The following LRBA variants were observed in gnomAD, a reference collection of about 807,000 sequenced individuals.
LRBA encodes lipopolysaccharide-responsive and beige-like anchor protein.
LRBA carries 176 observed loss-of-function variants against 330.0 expected under a neutral mutation model. The observed-to-expected ratio is 0.53, with a 90% CI of 0.47 to 0.60. The LOEUF is 0.60. Ranked by LOEUF, LRBA falls within the 20% of genes least tolerant of loss-of-function variation. The probability of loss-of-function intolerance (pLI) is 0.00; values close to 1 mark genes in which losing one functional copy is unlikely to be tolerated. For synonymous variants in LRBA, 1,230 were observed against 1,193.0 expected, an observed-to-expected ratio of 1.03 and a Z score of -0.64; for missense variants, 3,259 against 3,444.8, an observed-to-expected ratio of 0.95 and a Z score of 1.35.
At chr4:150,447,727 A>G (rs1172321507) in intron 44 of LRBA, among the ~76,000 whole-genome samples, 2 of 152,232 alleles carry the variant, frequency 1.3e-5, no homozygotes, top group Non-Finnish European at 2.9e-5. Context: ...ATTAATTCAT[A>G]AGGTAAATAT....
At chr4:150,995,282 A>G (rs1742507997) in intron 2 of LRBA, among the ~76,000 whole-genome samples, 1 of 152,068 alleles carries the variant, frequency 6.6e-6, no homozygotes, top group African/African-American at 2.4e-5. Flanking sequence ...ACTAAACCCA[A>G]GCCTTCAGTG....
intron 35 of LRBA, among the ~76,000 whole-genome samples, chr4:150,759,982 C>A (rs534239827): frequency 1.2e-4 from 18 of 152,146 alleles, no homozygotes; most frequent in African/African-American, 4.1e-4. Flanking sequence ...GTAAAGTCTA[C>A]GATGTTCAAA....
rs150092281 is a variant in LRBA, at chr4:150,590,723, C to A, written c.6183G>T (p.Glu2061Asp). Residue 2061 changes from glutamate to aspartate, a missense_variant, in exon 39 of 57, where the codon GAG (glutamate) becomes GAT (aspartate). Glu to Asp is a conservative substitution (Grantham distance 45). Coordinates refer to ENST00000651943, the MANE Select transcript of LRBA (RefSeq NM_001364905.1). Reference sequence around the variant, plus strand: ...AACCACCAAATTTACCGGCAAGATTCTCTAAATCTTTCTCATCCACGGATG... The same window carrying A: ...AACCACCAAATTTACCGGCAAGATTATCTAAATCTTTCTCATCCACGGATG... ...TLSSVDEKDL[E>D]NLAGPVSLST... 6.2e-7 allele frequency: 1 copy of A among 1,613,552 alleles called. No homozygotes were observed. Among genetic ancestry groups the A allele is most frequent in the Non-Finnish European group, 8.5e-7 (1 of 1,179,834 alleles).
chr4:150,857,425 A>G (rs1751355512), intron 22 of LRBA, among the ~76,000 whole-genome samples: 1 of 152,214 alleles, frequency 6.6e-6, no homozygotes. Flanking sequence ...ATAACTTCTA[A>G]TCTTTTCATT....
At chr4:150,595,622 T>C (rs1016539171) in intron 38 of LRBA, among the ~76,000 whole-genome samples, 2 of 151,982 alleles carry the variant, frequency 1.3e-5, no homozygotes, top group South Asian at 4.1e-4. Context: ...AAACATTTTT[T>C]ACATGTCTTT....
intron 36 of LRBA, among the ~76,000 whole-genome samples, chr4:150,685,418 ATATTTTTTTTTTTTTTT>A (rs1783509404): frequency 5.3e-5 from 1 of 18,792 alleles, no homozygotes; most frequent in African/African-American, 2.1e-4. Context: ...ATATATATAT[ATATTTTTTTTTTTTTTT>A]TTTTTTTTTT....
chr4:150,739,203 A>T (rs899423901), intron 35 of LRBA, among the ~76,000 whole-genome samples: 3 of 152,194 alleles, frequency 2.0e-5, no homozygotes, highest in Non-Finnish European at 4.4e-5. Flanking sequence ...GAGATTCTAA[A>T]TTTGTATGCT....
At chr4:150,607,463 A>G (rs1282804208) in intron 37 of LRBA, among the ~76,000 whole-genome samples, 2 of 151,874 alleles carry the variant, frequency 1.3e-5, no homozygotes, top group Non-Finnish European at 2.9e-5. Context: ...GATGCTATTT[A>G]ATTAAAATAA....
chr4:150,477,789 C>T (rs1756880254), intron 42 of LRBA, among the ~76,000 whole-genome samples: 1 of 151,932 alleles, frequency 6.6e-6, no homozygotes, highest in African/African-American at 2.4e-5. Flanking sequence ...CATGCTCCTG[C>T]CATATAAGAT....
intron 40 of LRBA, among the ~76,000 whole-genome samples, chr4:150,519,301 A>G (rs1003901812): frequency 6.6e-6 from 1 of 152,146 alleles, no homozygotes; most frequent in African/African-American, 2.4e-5. Context: ...TCAGACACCT[A>G]TGTAATCACC....
At chr4:150,988,514 C>T (rs1454553194) in intron 2 of LRBA, among the ~76,000 whole-genome samples, 6 of 152,114 alleles carry the variant, frequency 3.9e-5, no homozygotes, top group Non-Finnish European at 8.8e-5. Context: ...TTAAAGCTGG[C>T]TGATGAGTTC....
intron 13 of LRBA, among the ~76,000 whole-genome samples, chr4:150,905,615 CTTTGTATGTATGTATATATTA>C (rs1275025970): frequency 6.6e-6 from 1 of 151,774 alleles, no homozygotes; most frequent in Non-Finnish European, 1.5e-5. Context: ...AGAATATATT[CTTTGTATGTATGTATATATTA>C]TTTGTATATA....
At chr4:150,304,847 A>AAT (rs1439484099) in intron 52 of LRBA, among the ~76,000 whole-genome samples, 1 of 152,210 alleles carries the variant, frequency 6.6e-6, no homozygotes, top group Non-Finnish European at 1.5e-5. Context: ...CAGTCTTATT[A>AAT]ATAACTAGAA....
intron 40 of LRBA, among the ~76,000 whole-genome samples, chr4:150,521,509 C>A (rs1270684993): frequency 6.6e-6 from 1 of 152,150 alleles, no homozygotes; most frequent in Non-Finnish European, 1.5e-5. Flanking sequence ...CACACCTCAG[C>A]CTCCCACAGT....
chr4:150,700,546 C>G (rs1248287029), intron 36 of LRBA, among the ~76,000 whole-genome samples: 1 of 152,110 alleles, frequency 6.6e-6, no homozygotes, highest in Non-Finnish European at 1.5e-5. Context: ...CTACTGTAGA[C>G]TTTATAAACC....
intron 41 of LRBA, among the ~76,000 whole-genome samples, chr4:150,489,113 C>CATATATATATATAAGAATATATA (rs1321724391): frequency 5.0e-5 from 2 of 40,342 alleles, no homozygotes; most frequent in South Asian, 2.8e-3. Flanking sequence ...TATTATATAT[C>CATATATATATATAAGAATATATA]ATATATAATA....
In LRBA at chr4:150,321,323, C is replaced by T; in HGVS notation, c.7498G>A (p.Val2500Ile). Reference protein sequence around the residue: ...TDKAQQDVIMVLKFPSNSPVT... With the variant: ...TDKAQQDVIMILKFPSNSPVT... ...GGGGAGTTGGAGGGAAACTTGAGGA[C>T]CATGATAACATCCTGCTGGGCTTTG... is the stretch of plus-strand genomic sequence containing the variant. Residue 2500 changes from valine to isoleucine, a missense_variant, in exon 50 of 57, where the codon GTC becomes ATC. Val to Ile is a conservative substitution (Grantham distance 29). Coordinates refer to ENST00000651943, the MANE Select transcript of LRBA (RefSeq NM_001364905.1). This position sits in a 1 kb window ranked among gnomAD's most constrained non-coding sequence, Gnocchi z 4.5. 3 of 1,606,406 alleles carry T rather than the reference C, an allele frequency of 1.9e-6. No individual in the cohort carries two copies. Among genetic ancestry groups the T allele is most frequent in the Non-Finnish European group, 1.7e-6 (2 of 1,177,512 alleles).
chr4:150,424,514 A>G (rs1749280089), intron 46 of LRBA, among the ~76,000 whole-genome samples: 1 of 152,252 alleles, frequency 6.6e-6, no homozygotes, highest in African/African-American at 2.4e-5. Flanking sequence ...TCAGGGTTGC[A>G]GGTGGCCTAA....
intron 35 of LRBA, among the ~76,000 whole-genome samples, chr4:150,746,579 C>T (rs1356996041): frequency 6.7e-6 from 1 of 148,866 alleles, no homozygotes; most frequent in Non-Finnish European, 1.5e-5. Flanking sequence ...GGCATGATCT[C>T]GGTTCACTGC....
Sources: gnomAD v4.1 joint callset for allele counts (sites outside exome capture counted in the v4.1 genomes callset) on GRCh38, gnomAD v4.1.1 for gene constraint, Gnocchi (gnomAD v3.1) non-coding constraint, MANE v1.5 for transcripts, NCBI Gene and HGNC (gene_info 2026-07-23, HGNC 2026-07-21) for gene names.